Variants in ZNF407 observed in about 807,000 individuals in gnomAD.
ZNF407 encodes zinc finger protein 407.
A neutral mutation model predicts 131.2 loss-of-function variants in ZNF407; 17 were observed. That is an observed-to-expected ratio of 0.13 (90% CI 0.09 to 0.19). The LOEUF is 0.19. Among genes scored for constraint, ZNF407 ranks in the 10% least tolerant of loss-of-function variants. The pLI is 1.00. For missense variants in ZNF407, 2,681 were observed against 2,830.6 expected (o/e 0.95, Z 1.20); for synonymous variants, 1,156 against 1,062.0 (o/e 1.09, Z -1.72).
At chr18:74,961,412 A>G (rs1972342162) in intron 8 of ZNF407, among the ~76,000 whole-genome samples, 1 of 152,166 alleles carries the variant, frequency 6.6e-6, no homozygotes, top group Non-Finnish European at 1.5e-5. Context: ...GAAGTGGTAT[A>G]TGCCACAACA....
At chr18:74,734,314 G>T (rs762697168) in intron 3 of ZNF407, among the ~76,000 whole-genome samples, 1 of 152,150 alleles carries the variant, frequency 6.6e-6, no homozygotes, top group Non-Finnish European at 1.5e-5. Flanking sequence ...AATTGTGTAA[G>T]CACTTGAAAA....
At chr18:74,868,939 A>G (rs1971050379) in intron 4 of ZNF407, among the ~76,000 whole-genome samples, 1 of 152,220 alleles carries the variant, frequency 6.6e-6, no homozygotes. Context: ...AGGTTTCTAC[A>G]TAGCATGGAT....
At chr18:74,960,657 G>A (rs1343354463) in intron 8 of ZNF407, among the ~76,000 whole-genome samples, 5 of 130,266 alleles carry the variant, frequency 3.8e-5, no homozygotes, top group South Asian at 2.5e-4. Context: ...CTGAGTCAGT[G>A]CTGGGTGGAG....
chr18:74,855,464 C>G (rs1970846498), intron 4 of ZNF407, among the ~76,000 whole-genome samples: 1 of 152,146 alleles, frequency 6.6e-6, no homozygotes, highest in African/African-American at 2.4e-5. Flanking sequence ...AATCCAATAT[C>G]CAATATTTTT....
intron 8 of ZNF407, among the ~76,000 whole-genome samples, chr18:74,923,656 A>G (rs1313312205): frequency 2.0e-5 from 3 of 152,050 alleles, no homozygotes; most frequent in Non-Finnish European, 4.4e-5. Context: ...AAATTCTGTT[A>G]TTTTTGGCTT....
rs1973697987 is a variant in ZNF407, at chr18:75,065,134, G to A, written c.*666G>A. The A allele has an allele frequency of 1.3e-5, 2 of 152,426 alleles. No homozygotes were observed. Among genetic ancestry groups the A allele is most frequent in the African/African-American group, 4.8e-5 (2 of 41,388 alleles). 9.4% of individuals were successfully genotyped at this position (152,426 alleles called of 1,614,324 possible). A position where few individuals can be genotyped will look rare whatever the true frequency, so the allele number is the denominator to read the frequency against. ...TGCTCTGGTCACATTCTGCATAAAA[G>A]AAATCCTCTTAAGCCTATGGTTAAG... On this transcript the variant is annotated 3_prime_UTR_variant, in exon 9 of 9. Coordinates refer to ENST00000299687, the MANE Select transcript of ZNF407 (RefSeq NM_017757.3).
intron 8 of ZNF407, among the ~76,000 whole-genome samples, chr18:74,990,965 G>T (rs548559559): frequency 6.6e-6 from 1 of 152,168 alleles, no homozygotes; most frequent in South Asian, 2.1e-4. Context: ...GGTGAAGGGG[G>T]TGCTGAGCTG....
chr18:74,665,488 A>G (rs749967348), intron 3 of ZNF407, among the ~76,000 whole-genome samples: 3 of 152,182 alleles, frequency 2.0e-5, no homozygotes, highest in Non-Finnish European at 4.4e-5. Flanking sequence ...TTTGGATTAC[A>G]GTTCATTGAC....
intron 3 of ZNF407, among the ~76,000 whole-genome samples, chr18:74,756,514 G>A (rs1038296488): frequency 2.6e-5 from 4 of 152,084 alleles, no homozygotes; most frequent in Non-Finnish European, 4.4e-5. Context: ...AGTTTTCAAT[G>A]TATGTCTTCC....
intron 3 of ZNF407, among the ~76,000 whole-genome samples, chr18:74,652,684 T>A (rs1421688877): frequency 1.3e-5 from 2 of 152,004 alleles, no homozygotes; most frequent in Non-Finnish European, 2.9e-5. Context: ...TAGTTTCATA[T>A]TACAACTTCC....
chr18:74,633,462 A>G lies in ZNF407; in HGVS notation c.2443A>G (p.Met815Val), dbSNP rs780455292. 1.2e-6 allele frequency: 2 copies of G among 1,614,026 alleles called. No individual in the cohort carries two copies. Among genetic ancestry groups the G allele is most frequent in the Non-Finnish European group, 1.7e-6 (2 of 1,179,886 alleles). The stretch of plus-strand genomic sequence containing the variant: ...AGAGCATTCCTATCTTGAGAAGGGC[A>G]TGCTGGCGTCTGAGGAACTGTCACA... Reference protein sequence around the residue: ...LQEHSYLEKGMLASEELSQSG... With the variant: ...LQEHSYLEKGVLASEELSQSG... The change falls in exon 2 of 9, where the codon ATG becomes GTG. Residue 815 changes from methionine (M) to valine (V), a missense_variant. Coordinates refer to ENST00000299687, the MANE Select transcript of ZNF407 (RefSeq NM_017757.3).
At chr18:74,827,825 C>A (rs2145112944) in intron 4 of ZNF407, among the ~76,000 whole-genome samples, 1 of 152,294 alleles carries the variant, frequency 6.6e-6, no homozygotes, top group Non-Finnish European at 1.5e-5. Context: ...TGTTGACAAC[C>A]ATTAGGTCAC....
intron 3 of ZNF407, among the ~76,000 whole-genome samples, chr18:74,669,806 G>GA (rs1986071169): frequency 6.6e-6 from 1 of 151,954 alleles, no homozygotes. Context: ...TCCTTGTGGG[G>GA]AAAAAAAGAA....
At chr18:74,988,489 T>C (rs1429843424) in intron 8 of ZNF407, among the ~76,000 whole-genome samples, 1 of 150,710 alleles carries the variant, frequency 6.6e-6, no homozygotes, top group African/African-American at 2.4e-5. Flanking sequence ...TATAGATAGA[T>C]ATAAAATAGT....
chr18:74,998,673 G>A (rs1487152427), intron 8 of ZNF407, among the ~76,000 whole-genome samples: 1 of 137,264 alleles, frequency 7.3e-6, no homozygotes, highest in African/African-American at 2.8e-5. Context: ...AGTTAGAATG[G>A]CAATCATTAA....
intron 7 of ZNF407, among the ~76,000 whole-genome samples, chr18:74,906,646 A>G (rs1342187481): frequency 6.6e-6 from 1 of 152,248 alleles, no homozygotes; most frequent in Non-Finnish European, 1.5e-5. Context: ...CTTTGAATAC[A>G]CATTTAATAC....
At chr18:75,038,270 A>G (rs1402563513) in intron 8 of ZNF407, among the ~76,000 whole-genome samples, 2 of 152,256 alleles carry the variant, frequency 1.3e-5, no homozygotes, top group African/African-American at 4.8e-5. Flanking sequence ...TACATTGTCA[A>G]TAAGCTGCTC....
chr18:74,777,255 A>G (rs934016928), intron 3 of ZNF407, among the ~76,000 whole-genome samples: 2 of 152,134 alleles, frequency 1.3e-5, no homozygotes, highest in African/African-American at 4.8e-5. Flanking sequence ...AGGCATTACT[A>G]CTGCATTGCT....
chr18:74,907,231 G>A (rs928086731), intron 7 of ZNF407, among the ~76,000 whole-genome samples: 2 of 151,692 alleles, frequency 1.3e-5, no homozygotes, highest in Non-Finnish European at 2.9e-5. Context: ...TTCTTCCACA[G>A]GGTTTACTGA....
Sources: allele counts gnomAD v4.1 joint callset (sites outside exome capture counted in the v4.1 genomes callset), GRCh38; gene constraint gnomAD v4.1.1; transcripts MANE v1.5; gene names NCBI Gene and HGNC (gene_info 2026-07-23, HGNC 2026-07-21).